Variants in ERO1A observed in about 807,000 individuals in gnomAD.
ERO1A encodes ERO1-like protein alpha.
A neutral mutation model predicts 76.9 loss-of-function variants in ERO1A; 49 were observed. The ratio of observed to expected loss-of-function variants is 0.64; its 90% CI spans 0.51 to 0.81. The LOEUF (loss-of-function observed/expected upper bound fraction) is 0.81, where lower values mean the gene tolerates loss of function less well. ERO1A is among the 30% of genes least tolerant of loss of function. The probability of loss-of-function intolerance (pLI) is 0.00; values close to 1 mark genes in which losing one functional copy is unlikely to be tolerated. For missense variants in ERO1A, 448 were observed against 542.1 expected, an observed-to-expected ratio of 0.83 and a Z score of 1.72; for synonymous variants, 174 against 181.2, an observed-to-expected ratio of 0.96 and a Z score of 0.32.
chr14:52,674,901 C>T (rs912355273), intron 4 of ERO1A, among the ~76,000 whole-genome samples: 3 of 152,152 alleles, frequency 2.0e-5, no homozygotes, highest in Admixed American at 6.6e-5. Flanking sequence ...CACATATAAA[C>T]AAATATTGGA....
chr14:52,648,165 C>T (rs901031119), intron 13 of ERO1A, among the ~76,000 whole-genome samples: 5 of 151,038 alleles, frequency 3.3e-5, no homozygotes, highest in Non-Finnish European at 7.4e-5. Flanking sequence ...GGTTTCAGTA[C>T]CTGTACAGTA....
chr14:52,695,447 AG>A lies in ERO1A; in HGVS notation c.34del (p.Leu12TrpfsTer68). ...GRGWGFLFGL[L>X]GAVWLLSSGH... is the part of the protein sequence containing the mutation. ...CGAGCTGAGCAGCCACACGGCGCCC[AG>A]GAGGCCAAACAAGAATCCCCAGCCG... is the stretch of plus-strand genomic sequence containing the variant. On this transcript the variant is annotated frameshift_variant, in exon 1 of 16. Coordinates refer to ENST00000395686, the MANE Select transcript of ERO1A (RefSeq NM_014584.3). LOFTEE classifies it high-confidence loss of function. 1 of 1,548,990 alleles carries A rather than the reference AG, an allele frequency of 6.5e-7. No individual in the cohort carries two copies. The highest frequency in any genetic ancestry group is 1.2e-5 in the South Asian group (1 of 83,404).
At chr14:52,664,598 G>T (rs1032065870) in intron 7 of ERO1A, among the ~76,000 whole-genome samples, 1 of 152,110 alleles carries the variant, frequency 6.6e-6, no homozygotes, top group Admixed American at 6.5e-5. Context: ...GAAATTATGG[G>T]AATCAGGACA....
chr14:52,688,218 G>A (rs2041241620), intron 1 of ERO1A, among the ~76,000 whole-genome samples: 1 of 151,850 alleles, frequency 6.6e-6, no homozygotes, highest in East Asian at 1.9e-4. Flanking sequence ...AAAAGTCCTA[G>A]TCTTTTAAGA....
intron 3 of ERO1A, among the ~76,000 whole-genome samples, chr14:52,682,004 AGGTTTTATAAGTTTG>A (rs1250874192): frequency 6.6e-6 from 1 of 152,236 alleles, no homozygotes. Context: ...AATTCAAAAT[AGGTTTTATAAGTTTG>A]GGTTTTTAAC....
Position 52,653,125 on chromosome 14 carries a change from A to G in ERO1A, c.999T>C (p.Asn333=), listed in dbSNP as rs2039930313. The change falls in exon 12 of 16, where the codon AAT becomes AAC. Residue 333 remains asparagine (N), a synonymous_variant. Transcript: ENST00000395686. The part of the protein sequence containing the change: ...ERPDFQLFTG[N]KIQDEENKML... ...TTTTGTTTTCCTCATCCTGAATTTT[A>G]TTTCCAGTAAAGAGTTGAAAATCTG... is the stretch of plus-strand genomic sequence containing the variant. 6.2e-7 allele frequency: 1 copy of G among 1,605,460 alleles called. No individual in the cohort carries two copies. Among genetic ancestry groups the G allele is most frequent in the Admixed American group, 1.7e-5 (1 of 59,938 alleles).
intron 4 of ERO1A, among the ~76,000 whole-genome samples, chr14:52,674,321 G>A (rs1218415225): frequency 6.6e-6 from 1 of 152,094 alleles, no homozygotes; most frequent in Non-Finnish European, 1.5e-5. Flanking sequence ...ACCTCCTGAG[G>A]AGCTAGGACT....
intron 12 of ERO1A, among the ~76,000 whole-genome samples, chr14:52,652,539 C>T (rs2039907915): frequency 6.6e-6 from 1 of 152,092 alleles, no homozygotes; most frequent in Admixed American, 6.6e-5. Context: ...GAAAATAATA[C>T]ATTATCAAAT....
chr14:52,664,434 C>T (rs4901291), intron 7 of ERO1A, among the ~76,000 whole-genome samples: 142,103 of 152,214 alleles, frequency 0.93, 66,361 homozygotes, highest in East Asian at 0.99. Flanking sequence ...AAAATAAATA[C>T]GCGTTAGTAT....
intron 11 of ERO1A, among the ~76,000 whole-genome samples, chr14:52,656,740 T>C (rs1337020063): frequency 6.7e-6 from 1 of 149,948 alleles, no homozygotes; most frequent in African/African-American, 2.5e-5. Context: ...ACAGTAAAAT[T>C]ACTAATGAGT....
intron 1 of ERO1A, among the ~76,000 whole-genome samples, chr14:52,688,220 C>A (rs2041241814): frequency 6.6e-6 from 1 of 151,940 alleles, no homozygotes; most frequent in Non-Finnish European, 1.5e-5. Context: ...AAGTCCTAGT[C>A]TTTTAAGAGT....
At chr14:52,676,837 C>A (rs183186775) in intron 4 of ERO1A, among the ~76,000 whole-genome samples, 1 of 150,068 alleles carries the variant, frequency 6.7e-6, no homozygotes, top group East Asian at 1.9e-4. Flanking sequence ...GAGTTCGAGA[C>A]CAGCCTGGGC....
At position 52,646,458 on chromosome 14, in the gene ERO1A, C is replaced by T. The variant is rs1288292828; in HGVS notation, c.1129G>A (p.Asp377Asn). 9 of 1,604,378 alleles carry T rather than the reference C, an allele frequency of 5.6e-6. No homozygotes were observed. Among genetic ancestry groups the T allele is most frequent in the Non-Finnish European group, 7.7e-6 (9 of 1,175,758 alleles). The change falls in exon 14 of 16, where the codon GAC (aspartate) becomes AAC (asparagine). Residue 377 changes from aspartate (D) to asparagine (N), a missense_variant. Physicochemically the swap from Asp to Asn is conservative, Grantham distance 23 (BLOSUM62 1). This residue lies in a region of ERO1A where 302 missense variants were observed against 411.9 expected (regional missense o/e 0.73). Coordinates refer to ENST00000395686, the MANE Select transcript of ERO1A (RefSeq NM_014584.3). ...ATATTTCTAAAATGCAGTCGAAAGT[C>T]CTCCTGAAAACAATTTAACAAGATT... is the stretch of plus-strand genomic sequence containing the variant. ...DKKEAHKLKEDFRLHFRNISR... is the reference protein window; with the variant it reads ...DKKEAHKLKENFRLHFRNISR...
intron 3 of ERO1A, among the ~76,000 whole-genome samples, chr14:52,680,634 G>A (rs1223785177): frequency 6.6e-6 from 1 of 152,120 alleles, no homozygotes; most frequent in East Asian, 1.9e-4. Flanking sequence ...ATTGGTAAAT[G>A]TCCCCAACTA....
At chr14:52,670,917 C>T (rs187376566) in intron 6 of ERO1A, among the ~76,000 whole-genome samples, 1 of 152,306 alleles carries the variant, frequency 6.6e-6, no homozygotes, top group African/African-American at 2.4e-5. Context: ...ATTATATTCA[C>T]AGTGTTGTGA....
At chr14:52,661,885 TAAAG>T (rs1438388633) in intron 8 of ERO1A, among the ~76,000 whole-genome samples, 2 of 152,010 alleles carry the variant, frequency 1.3e-5, no homozygotes, top group South Asian at 2.1e-4. Flanking sequence ...ATCGGTTTAT[TAAAG>T]AAATATATAA....
intron 4 of ERO1A, among the ~76,000 whole-genome samples, chr14:52,677,864 TAAA>T (rs71267893): frequency 2.3e-5 from 2 of 87,138 alleles, no homozygotes; most frequent in South Asian, 4.4e-4. Flanking sequence ...CCTTTTATCT[TAAA>T]AAAAAAAAAA....
intron 1 of ERO1A, among the ~76,000 whole-genome samples, chr14:52,686,443 T>C (rs1256803012): frequency 6.6e-6 from 1 of 152,200 alleles, no homozygotes; most frequent in Non-Finnish European, 1.5e-5. Flanking sequence ...TCATTCTTCC[T>C]ATCTCTATCC....
intron 7 of ERO1A, 117 bp downstream of exon 7, chr14:52,666,258 C>A: frequency 1.3e-6 from 1 of 771,290 alleles, no homozygotes. Context: ...TTTCCTTGTA[C>A]AAACACATCT....
Sources: allele counts gnomAD v4.1 joint callset (sites outside exome capture counted in the v4.1 genomes callset), GRCh38; gene constraint gnomAD v4.1.1; regional missense constraint gnomAD v4.1.1; transcripts MANE v1.5; gene names NCBI Gene and HGNC (gene_info 2026-07-23, HGNC 2026-07-21).